Variants in SNX7 observed in about 807,000 individuals in gnomAD.
SNX7 encodes sorting nexin 7.
In SNX7, 35 loss-of-function variants were observed where a neutral mutation model predicts 48.4. The observed-to-expected ratio is 0.72, with a 90% confidence interval of 0.55 to 0.96. SNX7 has a LOEUF of 0.96. Among genes scored for constraint, SNX7 ranks in the 40% least tolerant of loss-of-function variants. The probability of loss-of-function intolerance (pLI) is 0.00; values close to 1 mark genes in which losing one functional copy is unlikely to be tolerated. For synonymous variants in SNX7, 190 were observed against 190.2 expected (o/e 1.00, Z 0.01); for missense variants, 553 against 548.9 (o/e 1.01, Z -0.07).
chr1:98,670,211 T>C lies in SNX7; in HGVS notation c.180+8300T>C, dbSNP rs190134488. Among the ~76,000 whole-genome samples, 102 of 152,238 alleles carry C rather than the reference T, an allele frequency of 6.7e-4. 2 individuals carry two copies. In the East Asian group the frequency reaches 0.019, roughly 29 times the overall value. On this transcript the variant is annotated intron_variant, in intron 1 of 8. Coordinates refer to ENST00000306121, the MANE Select transcript of SNX7 (RefSeq NM_015976.5). ...TCCTGAACAAAATCTCCCATTTAGATTATATTAGAAGAAATAAACACAAAG... is the reference window on the plus strand; with the variant it reads ...TCCTGAACAAAATCTCCCATTTAGACTATATTAGAAGAAATAAACACAAAG...
chr1:98,755,848 G>T (rs903933816), intron 8 of SNX7, among the ~76,000 whole-genome samples: 3 of 151,836 alleles, frequency 2.0e-5, no homozygotes, highest in Non-Finnish European at 4.4e-5. Context: ...ACAAAGTATA[G>T]GTAGGTCTTG....
intron 2 of SNX7, 23 bp downstream of exon 2, chr1:98,685,090 C>A (rs927975398): frequency 2.9e-6 from 4 of 1,365,192 alleles, no homozygotes; most frequent in African/African-American, 1.5e-5. Context: ...TGAATATTTT[C>A]TTGAATATAG....
intron 1 of SNX7, among the ~76,000 whole-genome samples, chr1:98,670,831 G>A (rs1570485695): frequency 6.6e-6 from 1 of 151,860 alleles, no homozygotes; most frequent in Admixed American, 6.6e-5. Flanking sequence ...AGGACCTATA[G>A]GAAAGAGAGC....
chr1:98,750,369 C>CT (rs1654523355), intron 8 of SNX7, among the ~76,000 whole-genome samples: 1 of 151,780 alleles, frequency 6.6e-6, no homozygotes, highest in African/African-American at 2.4e-5. Flanking sequence ...ACCTTGAGGA[C>CT]TTTTTTTATT....
At chr1:98,679,514 T>C (rs527613097) in intron 1 of SNX7, among the ~76,000 whole-genome samples, 2 of 152,220 alleles carry the variant, frequency 1.3e-5, no homozygotes, top group African/African-American at 4.8e-5. Context: ...AAGTCTGCAG[T>C]CCAAAGTCTC....
chr1:98,664,557 AT>A (rs1374902821), intron 1 of SNX7, among the ~76,000 whole-genome samples: 2 of 151,838 alleles, frequency 1.3e-5, no homozygotes, highest in East Asian at 1.9e-4. Flanking sequence ...ACTTCTTATT[AT>A]TTTTTTTCCA....
rs1651418191 is a variant in SNX7, at chr1:98,695,683, A to C, written c.805A>C (p.Lys269Gln). Residue 269 changes from lysine to glutamine, a missense_variant, in exon 5 of 9, where the codon AAA becomes CAA. By Grantham distance (53) the Lys-to-Gln change is moderately conservative (BLOSUM62 1). Coordinates refer to ENST00000306121, the MANE Select transcript of SNX7 (RefSeq NM_015976.5). ...TAGCCAGAAAATAAATTTGATAGATAAAATATCTCAGAGAATTTATAAGGA... is the reference window on the plus strand; with the variant it reads ...TAGCCAGAAAATAAATTTGATAGATCAAATATCTCAGAGAATTTATAAGGA... ...LFSQKINLID[K>Q]ISQRIYKEER... 1 of 1,585,052 alleles carries C rather than the reference A, an allele frequency of 6.3e-7. No individual in the cohort carries two copies.
At chr1:98,728,497 G>A (rs1258365513) in intron 7 of SNX7, among the ~76,000 whole-genome samples, 4 of 152,084 alleles carry the variant, frequency 2.6e-5, no homozygotes, top group African/African-American at 7.2e-5. Context: ...TAAAAGACAC[G>A]GAATGTCAAG....
chr1:98,684,233 T>G (rs1342577221), intron 1 of SNX7, among the ~76,000 whole-genome samples: 1 of 152,216 alleles, frequency 6.6e-6, no homozygotes, highest in East Asian at 1.9e-4. Flanking sequence ...CAAAAAGCAG[T>G]TGGCACATTT....
At chr1:98,725,530 C>G (rs1227589739) in intron 7 of SNX7, among the ~76,000 whole-genome samples, 1 of 152,054 alleles carries the variant, frequency 6.6e-6, no homozygotes, top group African/African-American at 2.4e-5. Context: ...AGTTAATATA[C>G]TTTAAAAAAA....
chr1:98,709,804 T>C (rs1652205409), intron 7 of SNX7, among the ~76,000 whole-genome samples: 1 of 152,190 alleles, frequency 6.6e-6, no homozygotes, highest in South Asian at 2.1e-4. Context: ...TGTGTCTTTT[T>C]TGTGTCAAAC....
upstream of SNX7, chr1:98,661,624 G>A: frequency 9.8e-7 from 1 of 1,017,614 alleles, no homozygotes; most frequent in Non-Finnish European, 1.2e-6. Context: ...GCGAGGGGCT[G>A]GAGCGGGGCC....
At chr1:98,734,541 A>T (rs533759325) in intron 7 of SNX7, among the ~76,000 whole-genome samples, 3 of 152,286 alleles carry the variant, frequency 2.0e-5, no homozygotes, top group Admixed American at 2.0e-4. Flanking sequence ...TAATAGGAAG[A>T]TGATAATACC....
chr1:98,673,584 A>T (rs938129816), intron 1 of SNX7, among the ~76,000 whole-genome samples: 3 of 152,218 alleles, frequency 2.0e-5, no homozygotes, highest in African/African-American at 7.2e-5. Flanking sequence ...AGTCTTGACC[A>T]CTATTGTATC....
chr1:98,703,397 A>G (rs969118401), intron 7 of SNX7, among the ~76,000 whole-genome samples: 1 of 152,148 alleles, frequency 6.6e-6, no homozygotes, highest in Non-Finnish European at 1.5e-5. Context: ...TTATTATACT[A>G]TGAATTACTC....
chr1:98,666,397 G>A (rs1464337289), intron 1 of SNX7, among the ~76,000 whole-genome samples: 1 of 152,180 alleles, frequency 6.6e-6, no homozygotes, highest in Non-Finnish European at 1.5e-5. Flanking sequence ...GAGAGAGGTA[G>A]CTACTGCCGG....
At chr1:98,733,900 A>T (rs1209526809) in intron 7 of SNX7, among the ~76,000 whole-genome samples, 1 of 152,220 alleles carries the variant, frequency 6.6e-6, no homozygotes, top group African/African-American at 2.4e-5. Context: ...TCTCTGACTC[A>T]GTCTGTCTGA....
In SNX7 at chr1:98,738,297, G is replaced by A; in HGVS notation, c.1186G>A (p.Ala396Thr). Residue 396 changes from alanine to threonine, a missense_variant, in exon 8 of 9, where the codon GCA (alanine) becomes ACA (threonine). Transcript: ENST00000306121. ...GGAATGTGCTAATAATGCCCTGAAAGCAGATTGGGAGAGATGGAAACAAAA... is the reference window on the plus strand; with the variant it reads ...GGAATGTGCTAATAATGCCCTGAAAACAGATTGGGAGAGATGGAAACAAAA... Reference protein sequence around the residue: ...KVECANNALKADWERWKQNMQ... With the variant: ...KVECANNALKTDWERWKQNMQ... 9.3e-6 allele frequency: 15 copies of A among 1,613,562 alleles called. No individual in the cohort carries two copies. Among genetic ancestry groups the A allele is most frequent in the Non-Finnish European group, 1.3e-5 (15 of 1,179,734 alleles).
chr1:98,728,273 A>G (rs1653299737), intron 7 of SNX7, among the ~76,000 whole-genome samples: 1 of 152,182 alleles, frequency 6.6e-6, no homozygotes, highest in South Asian at 2.1e-4. Flanking sequence ...AGAATCTCAT[A>G]TCTGGCCAAA....
Sources: gnomAD v4.1 joint callset for allele counts (sites outside exome capture counted in the v4.1 genomes callset) on GRCh38, gnomAD v4.1.1 for gene constraint, MANE v1.5 for transcripts, NCBI Gene and HGNC (gene_info 2026-07-23, HGNC 2026-07-21) for gene names.